The following SHISA9 variants were observed in gnomAD, a reference collection of about 807,000 sequenced individuals.
SHISA9 encodes the protein shisa family member 9.
A neutral mutation model predicts 38.0 loss-of-function variants in SHISA9; 13 were observed. That is an observed-to-expected ratio of 0.34 (90% CI 0.22 to 0.54). The LOEUF (loss-of-function observed/expected upper bound fraction) is 0.54. SHISA9 is among the 20% of genes least tolerant of loss of function. The pLI is 0.91. For missense variants in SHISA9, 538 were observed against 575.8 expected (o/e 0.93, Z 0.67); for synonymous variants, 275 against 242.0 (o/e 1.14, Z -1.27).
the SHISA9 span, among the ~76,000 whole-genome samples, chr16:13,443,859 T>C: frequency 6.6e-6 from 1 of 152,206 alleles, no homozygotes; most frequent in African/African-American, 2.4e-5. Context: ...TCTTATGGGA[T>C]CATCTGGACA....
chr16:13,369,484 G>T, the SHISA9 span, among the ~76,000 whole-genome samples: 1 of 152,138 alleles, frequency 6.6e-6, no homozygotes, highest in African/African-American at 2.4e-5. Context: ...ATCCTGGAAA[G>T]TTAGGTTTAT....
intron 4 of SHISA9, among the ~76,000 whole-genome samples, chr16:13,222,792 G>GTATATATATATA (rs745719678): frequency 1.1e-4 from 7 of 63,556 alleles, no homozygotes; most frequent in African/African-American, 6.5e-4. Flanking sequence ...GTGTGTGTAT[G>GTATATATATATA]TATATATATA....
chr16:13,409,780 C>T, the SHISA9 span, among the ~76,000 whole-genome samples: 1 of 152,170 alleles, frequency 6.6e-6, no homozygotes, highest in African/African-American at 2.4e-5. Context: ...AATTAGCAGC[C>T]ATATACCATT....
At chr16:13,534,259 C>G in the SHISA9 span, among the ~76,000 whole-genome samples, 338 of 133,288 alleles carry the variant, frequency 2.5e-3, 1 homozygote, top group African/African-American at 9.2e-3. Flanking sequence ...GAGTTTTGCT[C>G]TATTGCCTGA....
At chr16:13,079,551 A>T (rs1490469585) in intron 2 of SHISA9, among the ~76,000 whole-genome samples, 1 of 152,210 alleles carries the variant, frequency 6.6e-6, no homozygotes, top group African/African-American at 2.4e-5. Context: ...CCACCCCAAA[A>T]AAGTGCTTTA....
chr16:13,156,593 G>C (rs985510820), intron 2 of SHISA9, among the ~76,000 whole-genome samples: 1 of 152,142 alleles, frequency 6.6e-6, no homozygotes, highest in Admixed American at 6.5e-5. Flanking sequence ...AATTAGGCAG[G>C]CATGGTGGTG....
At chr16:13,266,234 T>C in the SHISA9 span, among the ~76,000 whole-genome samples, 10 of 152,338 alleles carry the variant, frequency 6.6e-5, no homozygotes, top group African/African-American at 2.4e-4. Flanking sequence ...TGGTTAGCTG[T>C]TTCTTCCAGA....
the SHISA9 span, among the ~76,000 whole-genome samples, chr16:13,501,064 G>A: frequency 0.15 from 22,071 of 152,160 alleles, 1,689 homozygotes; most frequent in Non-Finnish European, 0.16. Context: ...GCTCAACAAG[G>A]ACAGGATAAC....
chr16:13,010,655 A>T (rs949242900), intron 2 of SHISA9, among the ~76,000 whole-genome samples: 8 of 152,140 alleles, frequency 5.3e-5, no homozygotes, highest in Non-Finnish European at 8.8e-5. Context: ...CTTTTGAAAA[A>T]TGCTAGTTGA....
At chr16:13,373,624 T>C in the SHISA9 span, among the ~76,000 whole-genome samples, 2 of 152,080 alleles carry the variant, frequency 1.3e-5, no homozygotes, top group African/African-American at 4.8e-5. Flanking sequence ...CAGCCGGGCA[T>C]GGTAGCGGGC....
intron 2 of SHISA9, among the ~76,000 whole-genome samples, chr16:13,158,505 G>A (rs1305654039): frequency 3.3e-5 from 5 of 152,176 alleles, no homozygotes; most frequent in South Asian, 2.1e-4. Context: ...CCCACAGTGC[G>A]CACTGGATAT....
chr16:13,125,479 T>A (rs2050248516), intron 2 of SHISA9, among the ~76,000 whole-genome samples: 1 of 152,144 alleles, frequency 6.6e-6, no homozygotes, highest in Non-Finnish European at 1.5e-5. Context: ...CGAGGGGTGG[T>A]AACACTTATC....
chr16:13,409,761 G>C, the SHISA9 span, among the ~76,000 whole-genome samples: 1 of 152,168 alleles, frequency 6.6e-6, no homozygotes, highest in African/African-American at 2.4e-5. Flanking sequence ...GAGAAGTTCA[G>C]GTGGAAAGAA....
At chr16:13,308,474 T>G in the SHISA9 span, among the ~76,000 whole-genome samples, 3 of 152,064 alleles carry the variant, frequency 2.0e-5, no homozygotes, top group Middle Eastern at 3.2e-3. Context: ...GGCAGGAAAA[T>G]AGATGGAGAC....
At chr16:13,494,725 C>T in the SHISA9 span, among the ~76,000 whole-genome samples, 5 of 151,880 alleles carry the variant, frequency 3.3e-5, no homozygotes, top group South Asian at 2.1e-4. Flanking sequence ...TAAATAATGA[C>T]GTAGAAATAT....
chr16:13,357,985 T>C, the SHISA9 span, among the ~76,000 whole-genome samples: 1 of 152,118 alleles, frequency 6.6e-6, no homozygotes, highest in Non-Finnish European at 1.5e-5. Context: ...TTTAGTTACT[T>C]CAGGCCATCT....
At chr16:13,512,869 T>G in the SHISA9 span, among the ~76,000 whole-genome samples, 1 of 152,162 alleles carries the variant, frequency 6.6e-6, no homozygotes, top group African/African-American at 2.4e-5. Flanking sequence ...CAAGATGTAT[T>G]AAAAACTTAA....
the SHISA9 span, among the ~76,000 whole-genome samples, chr16:13,354,150 G>A: frequency 1.0e-3 from 157 of 149,656 alleles, 1 homozygote; most frequent in Middle Eastern, 6.9e-3. Context: ...GGGGCCTGAA[G>A]AATCCCTGAG....
At chr16:13,506,466 G>A in the SHISA9 span, among the ~76,000 whole-genome samples, 1 of 152,174 alleles carries the variant, frequency 6.6e-6, no homozygotes, top group African/African-American at 2.4e-5. Context: ...GGAGAGACAA[G>A]GAGTGTGATG....
Sources: allele counts gnomAD v4.1 joint callset (sites outside exome capture counted in the v4.1 genomes callset), GRCh38; gene constraint gnomAD v4.1.1; transcripts MANE v1.5; gene names NCBI Gene and HGNC (gene_info 2026-07-23, HGNC 2026-07-21).